Variants in MAPK10 observed in about 807,000 individuals in gnomAD.
MAPK10 encodes JNK3 alpha protein kinase.
Under a neutral mutation model 59.3 loss-of-function variants are expected in MAPK10, and 25 were observed. The ratio of observed to expected loss-of-function variants is 0.42; its 90% CI spans 0.31 to 0.59. MAPK10 has a LOEUF of 0.59. MAPK10 is among the 20% of genes least tolerant of loss of function. The probability of loss-of-function intolerance (pLI) is 0.15; values close to 1 mark genes in which losing one functional copy is unlikely to be tolerated. For missense variants in MAPK10, 351 were observed against 568.9 expected, an observed-to-expected ratio of 0.62 and a Z score of 3.90; for synonymous variants, 190 against 200.5, an observed-to-expected ratio of 0.95 and a Z score of 0.44.
intron 1 of MAPK10, among the ~76,000 whole-genome samples, chr4:86,499,245 A>T (rs1476712817): frequency 6.6e-6 from 1 of 152,232 alleles, no homozygotes; most frequent in African/African-American, 2.4e-5. Context: ...GTTATACAAA[A>T]GGAAAAGTAG....
At chr4:86,470,659 C>G (rs1752581312) in intron 1 of MAPK10, among the ~76,000 whole-genome samples, 1 of 151,636 alleles carries the variant, frequency 6.6e-6, no homozygotes, top group Admixed American at 6.6e-5. Flanking sequence ...CATTCTATAT[C>G]TTGCTACTTC....
At chr4:86,293,607 G>C (rs988229154) in intron 2 of MAPK10, among the ~76,000 whole-genome samples, 10 of 152,160 alleles carry the variant, frequency 6.6e-5, no homozygotes, top group African/African-American at 2.4e-4. Flanking sequence ...TATAAGAAAA[G>C]AGGTTTGGTT....
At chr4:86,555,175 C>T (rs1046958340) in intron 1 of MAPK10, among the ~76,000 whole-genome samples, 2 of 152,182 alleles carry the variant, frequency 1.3e-5, no homozygotes, top group African/African-American at 4.8e-5. Flanking sequence ...CTGCCGGGCA[C>T]GGTGGCTCAT....
chr4:86,089,205 C>A, intron 9 of MAPK10: 2 of 1,608,624 alleles, frequency 1.2e-6, no homozygotes, highest in Non-Finnish European at 1.7e-6. Context: ...AAGAAGGATA[C>A]GATCAGTGCC....
intron 12 of MAPK10, 148 bp from the exon 13 acceptor site, chr4:86,029,422 C>A: frequency 1.7e-6 from 1 of 602,742 alleles, no homozygotes. Flanking sequence ...ATTTCTATTT[C>A]TATATTGCCT....
chr4:86,074,154 T>A (rs2048685880), intron 9 of MAPK10, among the ~76,000 whole-genome samples: 1 of 116,984 alleles, frequency 8.5e-6, no homozygotes, highest in Non-Finnish European at 1.8e-5. Context: ...TGTAATGACC[T>A]TCTTTGTCTC....
chr4:86,568,338 G>A (rs913041161), intron 1 of MAPK10, among the ~76,000 whole-genome samples: 16 of 152,022 alleles, frequency 1.1e-4, no homozygotes, highest in African/African-American at 3.9e-4. Context: ...ATGGATTAGA[G>A]GAATCAAATC....
chr4:86,401,131 T>C (rs1564804233), intron 1 of MAPK10, among the ~76,000 whole-genome samples: 1 of 152,134 alleles, frequency 6.6e-6, no homozygotes, highest in Non-Finnish European at 1.5e-5. Context: ...TTGAAAGCAA[T>C]GTACTACAGG....
At chr4:86,314,981 G>C (rs2095750154) in intron 2 of MAPK10, among the ~76,000 whole-genome samples, 1 of 144,228 alleles carries the variant, frequency 6.9e-6, no homozygotes, top group Non-Finnish European at 1.5e-5. Context: ...CATTTTAAAT[G>C]TTTTTAATGT....
At chr4:86,473,460 A>G (rs1752817657) in intron 1 of MAPK10, among the ~76,000 whole-genome samples, 1 of 152,240 alleles carries the variant, frequency 6.6e-6, no homozygotes, top group Non-Finnish European at 1.5e-5. Flanking sequence ...TCTGGGAACT[A>G]AAGGCAGAAA....
At chr4:86,048,445 A>G (rs1042766497) in intron 11 of MAPK10, among the ~76,000 whole-genome samples, 2 of 152,192 alleles carry the variant, frequency 1.3e-5, no homozygotes, top group African/African-American at 4.8e-5. Context: ...TAGGACAAAT[A>G]TGAGCTAAAA....
chr4:86,428,158 G>A (rs896771292), intron 1 of MAPK10, among the ~76,000 whole-genome samples: 1 of 148,314 alleles, frequency 6.7e-6, no homozygotes, highest in Non-Finnish European at 1.5e-5. Context: ...TTTTTTTTGA[G>A]ACAAGGTCTT....
chr4:86,077,474 G>A (rs1326896308), intron 9 of MAPK10, among the ~76,000 whole-genome samples: 6 of 152,086 alleles, frequency 3.9e-5, no homozygotes, highest in African/African-American at 1.4e-4. Flanking sequence ...CAGAATTTAT[G>A]CCATCCATAT....
intron 1 of MAPK10, among the ~76,000 whole-genome samples, chr4:86,498,632 T>G (rs981253369): frequency 1.3e-5 from 2 of 152,172 alleles, no homozygotes; most frequent in East Asian, 3.9e-4. Context: ...GAGAGTTGAC[T>G]CATAACAGCA....
At position 86,012,524 on chromosome 4, in the gene MAPK10, C is replaced by T. The variant is rs182065202; in HGVS notation, c.*4704G>A. On this transcript the variant is annotated 3_prime_UTR_variant, in exon 14 of 14. Transcript: ENST00000641462. ...CAGATTTCCTCTGATTTTAATAATC[C>T]ATAAGAAACAGAAATCATAATATAT... The T allele has an allele frequency of 6.6e-6, 1 of 152,046 alleles. No individual in the cohort carries two copies. The highest frequency in any genetic ancestry group is 1.9e-4 in the East Asian group (1 of 5,184). The allele number at this position is 152,046 out of a possible 1,614,324, so 9.4% of individuals were successfully genotyped here.
chr4:86,142,453 GT>G (rs1284399112), intron 4 of MAPK10, among the ~76,000 whole-genome samples: 3 of 151,398 alleles, frequency 2.0e-5, no homozygotes, highest in South Asian at 4.2e-4. Context: ...TTCAATGAAG[GT>G]TTTTTTTTCC....
chr4:86,278,025 AACAT>A (rs1462524587), intron 2 of MAPK10, among the ~76,000 whole-genome samples: 2 of 152,100 alleles, frequency 1.3e-5, no homozygotes, highest in Non-Finnish European at 2.9e-5. Context: ...TTATAAGTAA[AACAT>A]ACAAAAGAGG....
intron 1 of MAPK10, among the ~76,000 whole-genome samples, chr4:86,584,956 T>A (rs1383337900): frequency 3.3e-5 from 5 of 152,124 alleles, no homozygotes; most frequent in Non-Finnish European, 5.9e-5. Flanking sequence ...TAATATCCAA[T>A]CCAGGACTTT....
At chr4:86,275,304 T>C (rs1309198449) in intron 2 of MAPK10, among the ~76,000 whole-genome samples, 1 of 152,032 alleles carries the variant, frequency 6.6e-6, no homozygotes, top group African/African-American at 2.4e-5. Context: ...TCACTAGATG[T>C]TTCCTTGCTA....
Sources: allele counts gnomAD v4.1 joint callset (sites outside exome capture counted in the v4.1 genomes callset), GRCh38; gene constraint gnomAD v4.1.1; transcripts MANE v1.5; gene names NCBI Gene and HGNC (gene_info 2026-07-23, HGNC 2026-07-21).